VOPP1: variants seen among roughly 807,000 people sequenced by gnomAD.
VOPP1 encodes WW domain binding protein VOPP1.
VOPP1 carries 8 observed loss-of-function variants against 23.5 expected under a neutral mutation model. The observed-to-expected ratio is 0.34, with a 90% CI of 0.20 to 0.61. The LOEUF is 0.61. VOPP1 is among the 20% of genes least tolerant of loss of function. The pLI is 0.78. For synonymous variants in VOPP1, 83 were observed against 97.3 expected (o/e 0.85, Z 0.86); for missense variants, 174 against 238.1 (o/e 0.73, Z 1.77).
At chr7:55,553,950 T>G (rs925465806) in intron 1 of VOPP1, 1 of 152,346 alleles carries the variant, frequency 6.6e-6, no homozygotes. Context: ...AAGACCATGC[T>G]GAGGAAGGCA....
At chr7:55,527,604 C>A (rs144750166) in intron 1 of VOPP1, among the ~76,000 whole-genome samples, 229 of 152,294 alleles carry the variant, frequency 1.5e-3, no homozygotes, top group Non-Finnish European at 2.7e-3. Context: ...GAGACCTCCT[C>A]ATGGACCCTC....
At chr7:55,480,891 G>A (rs1457368739) in intron 4 of VOPP1, among the ~76,000 whole-genome samples, 1 of 133,804 alleles carries the variant, frequency 7.5e-6, no homozygotes, top group African/African-American at 2.7e-5. Context: ...CAGTTCTCAC[G>A]TTACTTGCAG....
chr7:55,503,555 T>A (rs990243035), intron 2 of VOPP1, among the ~76,000 whole-genome samples: 3 of 152,182 alleles, frequency 2.0e-5, no homozygotes, highest in African/African-American at 7.2e-5. Context: ...CCTTTCCATG[T>A]GTTGTTGCTA....
At chr7:55,546,631 T>C (rs949434381) in intron 1 of VOPP1, among the ~76,000 whole-genome samples, 10 of 152,248 alleles carry the variant, frequency 6.6e-5, no homozygotes, top group African/African-American at 2.4e-4. Flanking sequence ...CAAATGTGCT[T>C]TGCAAATTTT....
intron 1 of VOPP1, among the ~76,000 whole-genome samples, chr7:55,532,436 C>T (rs550321597): frequency 2.6e-5 from 4 of 152,214 alleles, no homozygotes; most frequent in Non-Finnish European, 4.4e-5. Context: ...CCTGCTAAGT[C>T]GTTACATTGT....
At chr7:55,540,951 G>A (rs1232175934) in intron 1 of VOPP1, among the ~76,000 whole-genome samples, 2 of 152,146 alleles carry the variant, frequency 1.3e-5, no homozygotes. Flanking sequence ...AATACATAAA[G>A]TGGACTACAT....
At chr7:55,569,066 G>C (rs1315683434) in intron 1 of VOPP1, among the ~76,000 whole-genome samples, 1 of 152,246 alleles carries the variant, frequency 6.6e-6, no homozygotes, top group Non-Finnish European at 1.5e-5. Context: ...AGAGCAACAG[G>C]GGAGAGGGAG....
intron 1 of VOPP1, among the ~76,000 whole-genome samples, chr7:55,522,301 T>C (rs1184407865): frequency 6.6e-6 from 1 of 152,120 alleles, no homozygotes; most frequent in Non-Finnish European, 1.5e-5. Context: ...GTTATGAAAA[T>C]GACATGAACC....
rs1456846868 is a variant in VOPP1 at position 55,472,064 on chromosome 7, C to T, written c.*791G>A. 1 of 152,144 alleles carries T rather than the reference C, an allele frequency of 6.6e-6. No homozygotes were observed. Among genetic ancestry groups the T allele is most frequent in the Non-Finnish European group, 1.5e-5 (1 of 68,042 alleles). 9.4% of individuals were successfully genotyped at this position (152,144 alleles called of 1,614,324 possible). On this transcript the variant is annotated 3_prime_UTR_variant, in exon 5 of 5. Coordinates refer to ENST00000285279, the MANE Select transcript of VOPP1 (RefSeq NM_030796.5). ...CTCTACATGCACTTCCATAAACACA[C>T]CAAAAAAATGGGTAACAGTCCTTTC...
intron 4 of VOPP1, among the ~76,000 whole-genome samples, chr7:55,453,257 A>T (rs1209874277): frequency 2.6e-5 from 4 of 152,208 alleles, no homozygotes; most frequent in Non-Finnish European, 5.9e-5. Context: ...CCTCCATAGA[A>T]TTGAAGACTA....
At chr7:55,480,001 C>T (rs815964) in intron 4 of VOPP1, among the ~76,000 whole-genome samples, 45,403 of 152,116 alleles carry the variant, frequency 0.3, 7,662 homozygotes, top group East Asian at 0.51. Context: ...ATAAAACGAT[C>T]TTTTGTTAAG....
intron 4 of VOPP1, among the ~76,000 whole-genome samples, chr7:55,477,563 T>C (rs1165161458): frequency 6.6e-6 from 1 of 152,158 alleles, no homozygotes; most frequent in Non-Finnish European, 1.5e-5. Flanking sequence ...AGTGTGGTCT[T>C]TGTAGAAGAG....
At chr7:55,484,842 G>T (rs902965552) in intron 4 of VOPP1, among the ~76,000 whole-genome samples, 2 of 152,132 alleles carry the variant, frequency 1.3e-5, no homozygotes. Flanking sequence ...AGAACTGGGG[G>T]AAGACACGTT....
At chr7:55,529,050 T>C (rs1225472866) in intron 1 of VOPP1, among the ~76,000 whole-genome samples, 2 of 152,140 alleles carry the variant, frequency 1.3e-5, no homozygotes, top group Non-Finnish European at 2.9e-5. Context: ...ATTCTGATGA[T>C]AGAGGCTGTT....
chr7:55,485,175 T>C (rs2129015398), intron 4 of VOPP1, among the ~76,000 whole-genome samples: 1 of 152,328 alleles, frequency 6.6e-6, no homozygotes, highest in Admixed American at 6.5e-5. Context: ...CATGCCCAAT[T>C]AAGCTCCTGG....
chr7:55,478,466 T>G (rs1177288535), intron 4 of VOPP1, among the ~76,000 whole-genome samples: 8 of 152,122 alleles, frequency 5.3e-5, no homozygotes, highest in Non-Finnish European at 1.0e-4. Flanking sequence ...GGGCTTTGCA[T>G]GTGCACAGAG....
At chr7:55,565,276 A>G (rs1249798029) in intron 1 of VOPP1, among the ~76,000 whole-genome samples, 2 of 152,066 alleles carry the variant, frequency 1.3e-5, no homozygotes, top group Non-Finnish European at 1.5e-5. Context: ...CGCATTCTAG[A>G]CTCTCATTTG....
At chr7:55,446,394 G>A (rs1583791741) in intron 4 of VOPP1, among the ~76,000 whole-genome samples, 1 of 152,158 alleles carries the variant, frequency 6.6e-6, no homozygotes, top group Non-Finnish European at 1.5e-5. Flanking sequence ...TGCCCTGAGG[G>A]ACTACTGTAA....
At chr7:55,492,201 C>G in intron 4 of VOPP1, 81 bp downstream of exon 4, 1 of 1,492,574 alleles carries the variant, frequency 6.7e-7, no homozygotes, top group Non-Finnish European at 9.0e-7. Flanking sequence ...TGGCAGTACC[C>G]TTTCTGCAGC....
Sources: gnomAD v4.1 joint callset for allele counts (sites outside exome capture counted in the v4.1 genomes callset) on GRCh38, gnomAD v4.1.1 for gene constraint, MANE v1.5 for transcripts, NCBI Gene and HGNC (gene_info 2026-07-23, HGNC 2026-07-21) for gene names.